The following STS variants were observed in gnomAD, a reference collection of about 807,000 sequenced individuals.
STS encodes steroid sulfatase, also known as steryl-sulfatase.
In STS, 7 loss-of-function variants were observed where a neutral mutation model predicts 26.8. That is an observed-to-expected ratio of 0.26 (90% confidence interval 0.15 to 0.49). The LOEUF (loss-of-function observed/expected upper bound fraction) is 0.49, where lower values mean the gene tolerates loss of function less well. Among genes scored for constraint, STS ranks in the 20% least tolerant of loss-of-function variants. The pLI is 0.98. For missense variants in STS, 434 were observed against 465.6 expected (o/e 0.93, Z 0.63); for synonymous variants, 199 against 189.4 (o/e 1.05, Z -0.42).
intron 1 of STS, among the ~76,000 whole-genome samples, chrX:7,174,315 C>T (rs1933524633): frequency 9.0e-6 from 1 of 111,215 alleles, no homozygotes; most frequent in South Asian, 3.8e-4. Flanking sequence ...GAGAAAAAGA[C>T]TCACTTCATT....
intron 2 of STS, among the ~76,000 whole-genome samples, chrX:7,220,292 G>A (rs1042989313): frequency 9.0e-6 from 1 of 110,906 alleles, no homozygotes; most frequent in African/African-American, 3.3e-5. Context: ...CGACAGATGC[G>A]GCTTTTCACC....
intron 7 of STS, among the ~76,000 whole-genome samples, chrX:7,295,566 A>G (rs1433137559): frequency 9.0e-6 from 1 of 111,035 alleles, no homozygotes; most frequent in Non-Finnish European, 1.9e-5. Context: ...CTAAGCAGAT[A>G]TTTGCATCAT....
At chrX:7,181,069 A>G (rs1367465307) in intron 1 of STS, among the ~76,000 whole-genome samples, 1 of 112,246 alleles carries the variant, frequency 8.9e-6, no homozygotes, top group African/African-American at 3.2e-5. Flanking sequence ...TCTGCTCACC[A>G]GGGAATATGG....
At chrX:7,304,502 A>G (rs1403969811) in intron 7 of STS, among the ~76,000 whole-genome samples, 3 of 111,563 alleles carry the variant, frequency 2.7e-5, no homozygotes, top group Non-Finnish European at 5.6e-5. Context: ...TCTATCAATG[A>G]GGAATATTGA....
intron 9 of STS, among the ~76,000 whole-genome samples, chrX:7,325,767 G>A (rs1466149103): frequency 8.9e-6 from 1 of 112,375 alleles, no homozygotes; most frequent in Non-Finnish European, 1.9e-5. Context: ...TGGGCAGTGT[G>A]TAGAAGTAGG....
At chrX:7,164,425 A>G (rs950776956) in intron 1 of STS, among the ~76,000 whole-genome samples, 8 of 111,106 alleles carry the variant, frequency 7.2e-5, no homozygotes, top group Non-Finnish European at 1.5e-4. Flanking sequence ...TCCATTATGT[A>G]AAACCTCCTT....
intron 8 of STS, among the ~76,000 whole-genome samples, chrX:7,315,336 A>T (rs1033585308): frequency 2.9e-4 from 33 of 112,126 alleles, no homozygotes; most frequent in African/African-American, 8.1e-4. Context: ...GTTGAAAAAT[A>T]ATATGTGATC....
chrX:7,177,622 C>T (rs1456258031), intron 1 of STS, among the ~76,000 whole-genome samples: 2 of 108,434 alleles, frequency 1.8e-5, no homozygotes, highest in African/African-American at 3.4e-5. Flanking sequence ...AAGTGATTCT[C>T]GTGCCTCAGC....
intron 7 of STS, among the ~76,000 whole-genome samples, chrX:7,282,716 A>G (rs1924931541): frequency 8.9e-6 from 1 of 112,324 alleles, no homozygotes; most frequent in Non-Finnish European, 1.9e-5. Context: ...TTCAAGTTCT[A>G]TAGACCAGGT....
At chrX:7,191,850 G>A (rs1461207767) in intron 2 of STS, among the ~76,000 whole-genome samples, 5 of 112,726 alleles carry the variant, frequency 4.4e-5, no homozygotes, top group African/African-American at 1.6e-4. Flanking sequence ...GAGGGCTGAG[G>A]GGCAGAGCAT....
chrX:7,241,105 A>G (rs1394382386), intron 2 of STS, among the ~76,000 whole-genome samples: 1 of 111,880 alleles, frequency 8.9e-6, no homozygotes, highest in Admixed American at 9.5e-5. Flanking sequence ...CAATGCGCAC[A>G]GTTTGTAGGA....
At chrX:7,202,934 A>G (rs1934100030) in intron 2 of STS, among the ~76,000 whole-genome samples, 1 of 106,431 alleles carries the variant, frequency 9.4e-6, no homozygotes, top group Non-Finnish European at 2.0e-5. Context: ...ATCTCTCTCT[A>G]TCCATCTCTG....
intron 1 of STS, among the ~76,000 whole-genome samples, chrX:7,157,926 G>A (rs1043833062): frequency 1.3e-4 from 14 of 111,766 alleles, no homozygotes; most frequent in African/African-American, 4.6e-4. Flanking sequence ...GAAAAAAATG[G>A]CATTCTGTAG....
chrX:7,293,284 G>C (rs756041437), intron 7 of STS, among the ~76,000 whole-genome samples: 1 of 111,954 alleles, frequency 8.9e-6, no homozygotes, highest in Non-Finnish European at 1.9e-5. Context: ...TTTTTAAAGA[G>C]TTGAGGAATG....
chrX:7,188,498 T>G (rs1296587911), intron 1 of STS, among the ~76,000 whole-genome samples: 2 of 112,329 alleles, frequency 1.8e-5, no homozygotes, highest in African/African-American at 6.5e-5. Flanking sequence ...TACTCCTGGG[T>G]GAGAACCCAT....
chrX:7,164,827 G>A (rs1933316658), intron 1 of STS, among the ~76,000 whole-genome samples: 1 of 98,357 alleles, frequency 1.0e-5, no homozygotes, highest in Admixed American at 1.2e-4. Context: ...GGGCAACATG[G>A]CAAAACCCCA....
At chrX:7,346,640 A>C (rs1478789138) in intron 10 of STS, among the ~76,000 whole-genome samples, 1 of 112,167 alleles carries the variant, frequency 8.9e-6, no homozygotes, top group African/African-American at 3.2e-5. Context: ...AGAGCAGTTG[A>C]TGATAATTTT....
chrX:7,305,328 A>G (rs1035204100), intron 8 of STS, 145 bp downstream of exon 8: 2 of 731,316 alleles, frequency 2.7e-6, no homozygotes, highest in Non-Finnish European at 4.1e-6. Flanking sequence ...TCAGAAGGCC[A>G]AAGTGACCAT....
At chrX:7,236,525 A>G (rs1367214113) in intron 2 of STS, among the ~76,000 whole-genome samples, 1 of 112,402 alleles carries the variant, frequency 8.9e-6, no homozygotes, top group Non-Finnish European at 1.9e-5. Context: ...TGTAACCCCT[A>G]TGCCAAAATT....
Sources: gnomAD v4.1 joint callset for allele counts (sites outside exome capture counted in the v4.1 genomes callset) on GRCh38, gnomAD v4.1.1 for gene constraint, MANE v1.5 for transcripts, NCBI Gene and HGNC (gene_info 2026-07-23, HGNC 2026-07-21) for gene names.